Variants in FYB2 observed in about 807,000 individuals in gnomAD.
FYB2 encodes FYN binding protein 2.
A neutral mutation model predicts 94.1 loss-of-function variants in FYB2; 103 were observed. The ratio of observed to expected loss-of-function variants is 1.09; its 90% CI spans 0.93 to 1.29. The LOEUF is 1.29. FYB2 is among the 50% of genes most tolerant of loss of function. The pLI is 0.00. For synonymous variants in FYB2, 293 were observed against 287.9 expected (o/e 1.02, Z -0.18); for missense variants, 896 against 841.5 (o/e 1.06, Z -0.80).
chr1:56,819,195 T>A, intron 1 of FYB2, 87 bp downstream of exon 1: 2 of 1,526,194 alleles, frequency 1.3e-6, no homozygotes, highest in Non-Finnish European at 1.8e-6. Flanking sequence ...ACACAAGCAG[T>A]TTTTCCCCAG....
At chr1:56,788,823 G>C (rs1401127186) in intron 3 of FYB2, 150 bp downstream of exon 3, 1 of 1,133,962 alleles carries the variant, frequency 8.8e-7, no homozygotes, top group Non-Finnish European at 1.3e-6. Flanking sequence ...TCGTTTCATG[G>C]GCAAGCTGCC....
intron 1 of FYB2, among the ~76,000 whole-genome samples, chr1:56,800,686 G>T (rs1340380596): frequency 6.6e-6 from 1 of 152,064 alleles, no homozygotes; most frequent in Admixed American, 6.6e-5. Flanking sequence ...TCAGTTAAGT[G>T]TTACAAAGTC....
chr1:56,735,801 G>A lies in FYB2; in HGVS notation c.1793+1286C>T, dbSNP rs568329434. On this transcript the variant is annotated intron_variant, in intron 15 of 19. Coordinates refer to ENST00000343433, the MANE Select transcript of FYB2 (RefSeq NM_001004303.5). Reference sequence around the variant, plus strand: ...AGTTTCCTGAGGCCTCACCAGCCACGCGGAACTGCGAGTCAATTAAGCTTC... The same window carrying A: ...AGTTTCCTGAGGCCTCACCAGCCACACGGAACTGCGAGTCAATTAAGCTTC... Among the ~76,000 whole-genome samples the A allele has an allele frequency of 5.9e-5, 9 of 152,180 alleles. No homozygotes were observed. In the East Asian group the frequency reaches 1.4e-3, roughly 23 times the overall value.
intron 14 of FYB2, among the ~76,000 whole-genome samples, chr1:56,738,381 T>C (rs1644876725): frequency 1.3e-5 from 2 of 152,092 alleles, no homozygotes; most frequent in African/African-American, 4.8e-5. Context: ...ATAACATTTA[T>C]TTTTCTGGGA....
At chr1:56,738,596 T>C in intron 14 of FYB2, 29 bp downstream of exon 14, 1 of 1,592,954 alleles carries the variant, frequency 6.3e-7, no homozygotes, top group Non-Finnish European at 8.6e-7. Context: ...CTGAGTACTT[T>C]TGGTCTGCAA....
intron 12 of FYB2, 128 bp downstream of exon 12, chr1:56,742,033 A>G: frequency 1.4e-6 from 1 of 690,882 alleles, no homozygotes; most frequent in Non-Finnish European, 2.5e-6. Flanking sequence ...CTTTCCTAAA[A>G]GATGATGATG....
intron 17 of FYB2, among the ~76,000 whole-genome samples, chr1:56,721,311 TTGTC>T (rs1163284073): frequency 6.6e-6 from 1 of 152,062 alleles, no homozygotes; most frequent in Non-Finnish European, 1.5e-5. Context: ...GCCCAGGGTA[TTGTC>T]TGTTTATAAC....
chr1:56,730,101 T>C (rs1339404969), intron 15 of FYB2, among the ~76,000 whole-genome samples: 4 of 151,594 alleles, frequency 2.6e-5, no homozygotes, highest in Non-Finnish European at 4.4e-5. Flanking sequence ...AAAAACAATC[T>C]AATGATTTGT....
intron 4 of FYB2, among the ~76,000 whole-genome samples, chr1:56,769,214 T>G (rs6665472): frequency 0.093 from 14,078 of 151,836 alleles, 1,431 homozygotes; most frequent in African/African-American, 0.25. Context: ...AATTTTTCTG[T>G]GTGTTTGTAG....
chr1:56,810,918 C>T (rs1479447419), intron 1 of FYB2, among the ~76,000 whole-genome samples: 1 of 152,158 alleles, frequency 6.6e-6, no homozygotes, highest in Admixed American at 6.5e-5. Context: ...CTGTGTTTCT[C>T]TATCACTGTA....
At chr1:56,751,256 T>C in intron 8 of FYB2, 53 bp from the exon 9 acceptor site, 1 of 1,539,786 alleles carries the variant, frequency 6.5e-7, no homozygotes, top group Non-Finnish European at 8.9e-7. Context: ...ACCTAATCAG[T>C]TCTTTGCTTA....
At chr1:56,807,586 A>G (rs992839391) in intron 1 of FYB2, among the ~76,000 whole-genome samples, 3 of 152,112 alleles carry the variant, frequency 2.0e-5, no homozygotes, top group Admixed American at 6.5e-5. Flanking sequence ...TGCTACTTCT[A>G]TGTCACCCAT....
chr1:56,794,785 A>G (rs1646356642), intron 1 of FYB2, among the ~76,000 whole-genome samples: 2 of 152,110 alleles, frequency 1.3e-5, no homozygotes, highest in Non-Finnish European at 2.9e-5. Flanking sequence ...TGAAATCAGG[A>G]GATCTGAGTG....
chr1:56,783,863 C>T (rs1253779988), intron 4 of FYB2, among the ~76,000 whole-genome samples: 4 of 152,142 alleles, frequency 2.6e-5, no homozygotes, highest in Non-Finnish European at 5.9e-5. Flanking sequence ...AGCTCCTCAT[C>T]AATGAATTTT....
chr1:56,729,785 A>G (rs564954122), intron 15 of FYB2, among the ~76,000 whole-genome samples: 39 of 152,262 alleles, frequency 2.6e-4, no homozygotes, highest in African/African-American at 9.4e-4. Flanking sequence ...GTTAGGACAC[A>G]AAACAAGTAT....
chr1:56,782,896 T>C (rs1331623256), intron 4 of FYB2, among the ~76,000 whole-genome samples: 3 of 152,152 alleles, frequency 2.0e-5, no homozygotes, highest in African/African-American at 7.2e-5. Context: ...GCCATATTTA[T>C]AGCTAATGAA....
intron 1 of FYB2, among the ~76,000 whole-genome samples, chr1:56,808,376 C>G (rs1291050227): frequency 1.3e-5 from 2 of 152,166 alleles, no homozygotes; most frequent in East Asian, 3.8e-4. Flanking sequence ...GACCCTTTAT[C>G]TGGGACAAAA....
intron 15 of FYB2, among the ~76,000 whole-genome samples, chr1:56,729,703 C>T (rs1204469988): frequency 6.6e-6 from 1 of 152,090 alleles, no homozygotes; most frequent in Non-Finnish European, 1.5e-5. Context: ...ATCTACAGAA[C>T]ATGTTACTCA....
chr1:56,809,277 CAT>C (rs1415203597), intron 1 of FYB2, among the ~76,000 whole-genome samples: 3 of 152,182 alleles, frequency 2.0e-5, no homozygotes, highest in Non-Finnish European at 4.4e-5. Flanking sequence ...TTCTTCTAGA[CAT>C]GTGAAAATGC....
Sources: allele counts gnomAD v4.1 joint callset (sites outside exome capture counted in the v4.1 genomes callset), GRCh38; gene constraint gnomAD v4.1.1; transcripts MANE v1.5; gene names NCBI Gene and HGNC (gene_info 2026-07-23, HGNC 2026-07-21).